Variants in PPP1R42 observed in about 807,000 individuals in gnomAD.
PPP1R42 encodes leucine rich repeat containing 67.
A neutral mutation model predicts 31.0 loss-of-function variants in PPP1R42; 34 were observed. The ratio of observed to expected loss-of-function variants is 1.10; its 90% confidence interval spans 0.83 to 1.46. The LOEUF (loss-of-function observed/expected upper bound fraction) is 1.46. PPP1R42 is among the 40% of genes most tolerant of loss of function. PPP1R42 has a pLI of 0.00. For missense variants in PPP1R42, 268 were observed against 303.0 expected (o/e 0.88, Z 0.86); for synonymous variants, 103 against 109.8 (o/e 0.94, Z 0.39).
rs112497113 is a variant in PPP1R42 at position 66,986,173 on chromosome 8, G to A, written c.670+2227C>T. ...TGAGAAACCCAGCACGCTTTTCACT[G>A]TCTTCTCACCCACCTTGGAGCCTCC... On this transcript the variant is annotated intron_variant, in intron 6 of 7. Coordinates refer to ENST00000685739, the MANE Select transcript of PPP1R42 (RefSeq NM_001364910.1). 566 of 611,958 alleles carry A rather than the reference G, an allele frequency of 9.2e-4. 7 individuals are homozygous for A. In the African/African-American group the frequency reaches 9.3e-3, roughly 10 times the overall value. The allele number at this position is 611,958 out of a possible 1,614,324, so 37.9% of individuals were successfully genotyped here.
intron 3 of PPP1R42, among the ~76,000 whole-genome samples, chr8:67,013,462 A>G (rs1815905399): frequency 6.6e-6 from 1 of 151,950 alleles, no homozygotes; most frequent in Non-Finnish European, 1.5e-5. Flanking sequence ...CACACCTGTA[A>G]TCCCAGCACT....
At chr8:67,003,723 A>AC (rs1484850699) in intron 5 of PPP1R42, among the ~76,000 whole-genome samples, 2 of 152,012 alleles carry the variant, frequency 1.3e-5, no homozygotes, top group African/African-American at 4.8e-5. Flanking sequence ...ATATGTTGAA[A>AC]CTTTTTTTTT....
intron 1 of PPP1R42, among the ~76,000 whole-genome samples, chr8:67,025,747 G>A (rs1816374587): frequency 1.3e-5 from 2 of 152,184 alleles, no homozygotes; most frequent in African/African-American, 2.4e-5. Flanking sequence ...GCTCATGCCT[G>A]TAATCCCAGC....
At chr8:67,013,294 A>G (rs1345712692) in intron 3 of PPP1R42, among the ~76,000 whole-genome samples, 198 bp from the exon 4 acceptor site, 1 of 152,134 alleles carries the variant, frequency 6.6e-6, no homozygotes, top group Non-Finnish European at 1.5e-5. Flanking sequence ...TTAGTCTAAA[A>G]GTACATTTTT....
chr8:66,986,004 C>T, intron 6 of PPP1R42: 1 of 747,648 alleles, frequency 1.3e-6, no homozygotes, highest in East Asian at 2.5e-5. Context: ...ATGCCTAGAG[C>T]TTCCGCCTTC....
intron 7 of PPP1R42, among the ~76,000 whole-genome samples, chr8:66,980,645 T>C (rs1814799613): frequency 6.6e-6 from 1 of 152,178 alleles, no homozygotes; most frequent in Non-Finnish European, 1.5e-5. Flanking sequence ...TCCTAGGATA[T>C]GCTATCCTAT....
intron 5 of PPP1R42, 46 bp from the exon 6 acceptor site, chr8:66,988,563 C>T (rs1815097000): frequency 1.3e-6 from 2 of 1,522,182 alleles, no homozygotes; most frequent in African/African-American, 1.4e-5. Context: ...TTCATATTTA[C>T]CAATACTTCT....
chr8:66,984,069 C>A, intron 6 of PPP1R42: 1 of 1,474,846 alleles, frequency 6.8e-7, no homozygotes, highest in Non-Finnish European at 9.4e-7. Flanking sequence ...GGTTGGGAAA[C>A]AGAATAAGTG....
chr8:66,972,578 C>T (rs2130913838), intron 7 of PPP1R42, among the ~76,000 whole-genome samples: 1 of 152,128 alleles, frequency 6.6e-6, no homozygotes, highest in Non-Finnish European at 1.5e-5. Context: ...TTAGTAGAGG[C>T]GGGGTTTCAC....
intron 5 of PPP1R42, among the ~76,000 whole-genome samples, chr8:67,009,334 G>A (rs542524317): frequency 2.3e-4 from 35 of 152,242 alleles, no homozygotes; most frequent in Non-Finnish European, 4.1e-4. Context: ...TTGGGGGGCC[G>A]AGGTGGGCAG....
chr8:66,991,919 T>TCTG (rs143961559), intron 5 of PPP1R42, among the ~76,000 whole-genome samples: 1 of 152,284 alleles, frequency 6.6e-6, no homozygotes, highest in South Asian at 2.1e-4. Context: ...ATTCTGCATT[T>TCTG]CTGCTGCTGC....
In PPP1R42 at chr8:66,991,829, A is replaced by G. The variant is rs148799058; in HGVS notation, c.553-3312T>C. 2.6e-3 allele frequency among the ~76,000 whole-genome samples: 399 copies of G among 152,018 alleles called. 3 individuals are homozygous for G. Among genetic ancestry groups the G allele is most frequent in the Middle Eastern group, 0.014 (4 of 294 alleles). On this transcript the variant is annotated intron_variant, in intron 5 of 7. Coordinates refer to ENST00000685739, the MANE Select transcript of PPP1R42 (RefSeq NM_001364910.1). Reference sequence around the variant, plus strand: ...GACTGATCCGGACTAATGCTTCTCAAACTTTCATGTGCTTAAGAATCCTGA... The same window carrying G: ...GACTGATCCGGACTAATGCTTCTCAGACTTTCATGTGCTTAAGAATCCTGA...
chr8:66,964,276 G>C lies in PPP1R42; in HGVS notation c.*45C>G. The C allele has an allele frequency of 7.9e-7, 1 of 1,272,566 alleles. No individual in the cohort carries two copies. The allele number at this position is 1,272,566 out of a possible 1,614,324, so 78.8% of individuals were successfully genotyped here. On this transcript the variant is annotated 3_prime_UTR_variant, in exon 8 of 8. Coordinates refer to ENST00000685739, the MANE Select transcript of PPP1R42 (RefSeq NM_001364910.1). The stretch of plus-strand genomic sequence containing the variant: ...TTTTCTTCTGGGTTATGGAAGAGGT[G>C]AGGTTCATGCACATCATTTTTTGTC...
intron 5 of PPP1R42, among the ~76,000 whole-genome samples, chr8:66,989,803 T>C (rs1318285557): frequency 1.3e-5 from 2 of 152,242 alleles, no homozygotes; most frequent in Admixed American, 1.3e-4. Context: ...TGCTGCTTAC[T>C]GTGTGACCTT....
At chr8:66,970,947 A>T in intron 7 of PPP1R42, 1 of 1,449,370 alleles carries the variant, frequency 6.9e-7, no homozygotes, top group African/African-American at 1.4e-5. Context: ...CCCACCAAAA[A>T]GATAAAGTCA....
At chr8:66,983,949 C>T (rs903789433) in intron 6 of PPP1R42, among the ~76,000 whole-genome samples, 1 of 152,026 alleles carries the variant, frequency 6.6e-6, no homozygotes, top group Non-Finnish European at 1.5e-5. Context: ...ATCATACGCA[C>T]ATAAGGGGAA....
intron 4 of PPP1R42, among the ~76,000 whole-genome samples, chr8:67,012,448 C>T (rs1205674209): frequency 6.6e-6 from 1 of 152,066 alleles, no homozygotes; most frequent in Non-Finnish European, 1.5e-5. Context: ...AGTTGGGGCC[C>T]CAACCCCAGG....
rs1292305128 is a variant in PPP1R42 at position 66,982,054 on chromosome 8, A to G, written c.797T>C (p.Leu266Pro). 3.5e-6 allele frequency: 5 copies of G among 1,443,416 alleles called. No homozygotes were observed. In the South Asian group the frequency reaches 4.6e-5, roughly 13 times the overall value. The allele number at this position is 1,443,416 out of a possible 1,614,324, so 89.4% of individuals were successfully genotyped here. ...ATGAGTGACAGAGTGCTTACTTATGAGTGAATTGCTTGCATCCTCATTTTT... is the reference window on the plus strand; with the variant it reads ...ATGAGTGACAGAGTGCTTACTTATGGGTGAATTGCTTGCATCCTCATTTTT... ...SSKNEDASNS[L>P]IRISL is the part of the protein sequence containing the mutation. Residue 266 changes from leucine (L) to proline (P), a missense_variant, in exon 7 of 8, where the codon CTC becomes CCC. By Grantham distance (98) the Leu-to-Pro change is moderately conservative (BLOSUM62 -3). Transcript: ENST00000685739.
intron 1 of PPP1R42, among the ~76,000 whole-genome samples, 181 bp downstream of exon 1, chr8:67,028,310 C>T (rs924735845): frequency 6.6e-6 from 1 of 152,190 alleles, no homozygotes; most frequent in African/African-American, 2.4e-5. Context: ...TGCCAGCTAA[C>T]CATTTGTTAA....
Sources: allele counts gnomAD v4.1 joint callset (sites outside exome capture counted in the v4.1 genomes callset), GRCh38; gene constraint gnomAD v4.1.1; transcripts MANE v1.5; gene names NCBI Gene and HGNC (gene_info 2026-07-23, HGNC 2026-07-21).